Variants in CXorf38 observed in about 807,000 individuals in gnomAD.
The protein encoded by CXorf38 is chromosome X open reading frame 38.
CXorf38 carries 13 observed loss-of-function variants against 27.5 expected under a neutral mutation model. That is an observed-to-expected ratio of 0.47 (90% CI 0.31 to 0.75). CXorf38 has a LOEUF of 0.75. Among genes scored for constraint, CXorf38 ranks in the 30% least tolerant of loss-of-function variants. The probability of loss-of-function intolerance (pLI) is 0.05; values close to 1 mark genes in which losing one functional copy is unlikely to be tolerated. For missense variants in CXorf38, 240 were observed against 253.2 expected (o/e 0.95, Z 0.35); for synonymous variants, 100 against 99.8 (o/e 1.00, Z -0.01).
intron 2 of CXorf38, among the ~76,000 whole-genome samples, chrX:40,642,798 G>T (rs1928387830): frequency 9.0e-6 from 1 of 111,152 alleles, no homozygotes; most frequent in Non-Finnish European, 1.9e-5. Context: ...CTGAGACAGG[G>T]TCTTACTCTG....
At chrX:40,638,926 C>A in intron 3 of CXorf38, 83 bp downstream of exon 3, 1 of 1,089,654 alleles carries the variant, frequency 9.2e-7, no homozygotes, top group Non-Finnish European at 1.2e-6. Context: ...GTTGGCTTAG[C>A]ATCACAGGTG....
chrX:40,630,547 G>A, intron 6 of CXorf38, 67 bp downstream of exon 6: 1 of 1,036,468 alleles, frequency 9.6e-7, no homozygotes, highest in South Asian at 2.2e-5. Flanking sequence ...CCTCACATGA[G>A]AGAATAGACA....
Position 40,639,100 on chromosome X carries a change from TTGTC to T in CXorf38, c.376_379del (p.Asp126AsnfsTer13). ...TGCATCACATTCCTCAGGTCCTTGT[TTGTC>T]TGCTAGTCCTCGGGGCATGAAGGCC... On this transcript the variant is annotated frameshift_variant, in exon 3 of 7. Transcript: ENST00000327877. LOFTEE classifies it high-confidence loss of function. 8.3e-7 allele frequency: 1 copy of T among 1,211,241 alleles called. No homozygotes were observed. The highest frequency in any genetic ancestry group is 1.1e-6 in the Non-Finnish European group (1 of 894,955).
chrX:40,638,777 T>C (rs1303356933), intron 3 of CXorf38, among the ~76,000 whole-genome samples: 2 of 112,174 alleles, frequency 1.8e-5, no homozygotes, highest in African/African-American at 6.5e-5. Context: ...TTGATTGCAT[T>C]TGCACTGGGG....
intron 2 of CXorf38, among the ~76,000 whole-genome samples, chrX:40,645,803 A>G (rs953774275): frequency 1.8e-5 from 2 of 110,906 alleles, no homozygotes; most frequent in African/African-American, 6.6e-5. Flanking sequence ...TTTTTTGTAG[A>G]GACGGGGTTT....
chrX:40,630,962 C>T (rs899066592), intron 5 of CXorf38, among the ~76,000 whole-genome samples, 189 bp from the exon 6 acceptor site: 7 of 111,187 alleles, frequency 6.3e-5, no homozygotes, highest in African/African-American at 2.3e-4. Flanking sequence ...TAAAACAAAG[C>T]ATCCTCCACT....
intron 5 of CXorf38, among the ~76,000 whole-genome samples, chrX:40,631,468 C>G (rs754288261): frequency 9.1e-6 from 1 of 110,036 alleles, no homozygotes; most frequent in African/African-American, 3.3e-5. Flanking sequence ...CCACCACGCC[C>G]GGCTAATTTT....
chrX:40,639,049 G>C lies in CXorf38; in HGVS notation c.431C>G (p.Ser144Cys). Residue 144 changes from serine (S) to cysteine (C), a missense_variant, in exon 3 of 7, where the codon TCC becomes TGC. Coordinates refer to ENST00000327877, the MANE Select transcript of CXorf38 (RefSeq NM_144970.3). ...TCGATCAACCACGAAGTGATCGCAGGAGTTGATGAGACTTAAAAGAGCAAC... is the reference window on the plus strand; with the variant it reads ...TCGATCAACCACGAAGTGATCGCAGCAGTTGATGAGACTTAAAAGAGCAAC... ...DAVALLSLINSCDHFVVDRKK... is the reference protein window; with the variant it reads ...DAVALLSLINCCDHFVVDRKK... 1 of 1,210,850 alleles carries C rather than the reference G, an allele frequency of 8.3e-7. No homozygotes were observed. The highest frequency in any genetic ancestry group is 1.8e-5 in the South Asian group (1 of 56,962).
Position 40,637,102 on chromosome X carries a change from T to C in CXorf38, c.526A>G (p.Thr176Ala), listed in dbSNP as rs17145855. 3,077 of 1,201,098 alleles carry C rather than the reference T, an allele frequency of 2.6e-3. 53 individuals are homozygous for C. The African/African-American group carries it at 0.048, about 19-fold the overall frequency. ...MHSSEMKVSS[T>A]WLRDFQMKIQ... is the part of the protein sequence containing the mutation. ...TTCATCTGAAAATCTCGAAGCCACG[T>C]AGAAGATACTTTCATCTCTGAAGAG... The change falls in exon 4 of 7, where the codon ACG (threonine) becomes GCG (alanine). Residue 176 changes from threonine to alanine, a missense_variant. Thr to Ala is a moderately conservative substitution (Grantham distance 58, BLOSUM62 0). Coordinates refer to ENST00000327877, the MANE Select transcript of CXorf38 (RefSeq NM_144970.3).
At position 40,627,577 on chromosome X, in the gene CXorf38, C is replaced by T. The variant is rs751031878; in HGVS notation, c.*2587G>A. The T allele has an allele frequency of 8.9e-6, 1 of 112,265 alleles. No individual in the cohort carries two copies. The highest frequency in any genetic ancestry group is 1.9e-5 in the Non-Finnish European group (1 of 53,288). The allele number at this position is 112,265 out of a possible 1,213,427, so 9.3% of individuals were successfully genotyped here. A position where few individuals can be genotyped will look rare whatever the true frequency, so the allele number is the denominator to read the frequency against. ...ACAGTGCAGCATCGCTTCATTCTTTCCAACAGTTGCATAAGATCCTGTAGT... is the reference window on the plus strand; with the variant it reads ...ACAGTGCAGCATCGCTTCATTCTTTTCAACAGTTGCATAAGATCCTGTAGT... On this transcript the variant is annotated 3_prime_UTR_variant, in exon 7 of 7. Transcript: ENST00000327877.
rs748585170 is a variant in CXorf38 at position 40,647,482 on chromosome X, G to A, written c.39C>T (p.Ala13=). 31 of 1,189,074 alleles carry A rather than the reference G, an allele frequency of 2.6e-5. No individual in the cohort carries two copies. The highest frequency in any genetic ancestry group is 3.5e-5 in the Non-Finnish European group (31 of 887,269). Residue 13 remains alanine (A), a synonymous_variant, in exon 1 of 7, where the codon GCC becomes GCT. Transcript: ENST00000327877. ...CCGCCTTCACCCAGTTCTTGTACTCGGCGCAGTTGAGGCGCGCCGCTAGCT... is the reference window on the plus strand; with the variant it reads ...CCGCCTTCACCCAGTTCTTGTACTCAGCGCAGTTGAGGCGCGCCGCTAGCT... The part of the protein sequence containing the change: ...LSELAARLNC[A]EYKNWVKAGH...
Position 40,627,949 on chromosome X carries a change from T to C in CXorf38, c.*2215A>G, listed in dbSNP as rs774105737. On this transcript the variant is annotated 3_prime_UTR_variant, in exon 7 of 7. Transcript: ENST00000327877. ...TAGACACAGGTATAAAATGGAAGCG[T>C]TCATAACCCAAAGTTCCTAAAATTA... 3 of 112,219 alleles carry C rather than the reference T, an allele frequency of 2.7e-5. No individual in the cohort carries two copies. The highest frequency in any genetic ancestry group is 3.8e-5 in the Non-Finnish European group (2 of 53,252). The allele number at this position is 112,219 out of a possible 1,213,427, so 9.2% of individuals were successfully genotyped here. A position where few individuals can be genotyped will look rare whatever the true frequency, so the allele number is the denominator to read the frequency against.
Position 40,630,620 on chromosome X carries a change from C to T in CXorf38, c.955G>A (p.Ala319Thr). The T allele has an allele frequency of 8.3e-7, 1 of 1,208,724 alleles. No homozygotes were observed. Among genetic ancestry groups the T allele is most frequent in the East Asian group, 3.0e-5 (1 of 33,764 alleles). ...EPGRQTPDRK[A>T] is the part of the protein sequence containing the mutation. ...ATCATCTGCCTGAACTCACCTCAGG[C>T]CTTCCTGTCAGGTGTTTGTCTCCCA... Residue 319 changes from alanine to threonine, a missense_variant, in exon 6 of 7, where the codon GCC (alanine) becomes ACC (threonine). Ala to Thr is a moderately conservative substitution (Grantham distance 58). Transcript: ENST00000327877.
chrX:40,630,627 G>C lies in CXorf38; in HGVS notation c.948C>G (p.Asp316Glu), dbSNP rs954659521. ...DSQEPGRQTP[D>E]RKA ...GCCTGAACTCACCTCAGGCCTTCCT[G>C]TCAGGTGTTTGTCTCCCAGGTTCCT... Residue 316 changes from aspartate (D) to glutamate (E), a missense_variant, in exon 6 of 7, where the codon GAC becomes GAG. By Grantham distance (45) the Asp-to-Glu change is conservative (BLOSUM62 2). Coordinates refer to ENST00000327877, the MANE Select transcript of CXorf38 (RefSeq NM_144970.3). 10 of 1,209,622 alleles carry C rather than the reference G, an allele frequency of 8.3e-6. No homozygotes were observed. The highest frequency in any genetic ancestry group is 1.0e-5 in the Non-Finnish European group (9 of 894,373).
intron 2 of CXorf38, 198 bp from the exon 3 acceptor site, chrX:40,639,326 G>C (rs746534043): frequency 5.1e-6 from 2 of 394,838 alleles, no homozygotes; most frequent in Non-Finnish European, 8.7e-6. Context: ...AATAACTGAA[G>C]GGCTGTATTA....
intron 2 of CXorf38, among the ~76,000 whole-genome samples, chrX:40,641,982 A>G (rs1928343894): frequency 9.0e-6 from 1 of 111,607 alleles, no homozygotes; most frequent in Non-Finnish European, 1.9e-5. Context: ...TCAGGAAGCC[A>G]TCCAAGGGTT....
chrX:40,647,344 G>C lies in CXorf38; in HGVS notation c.177C>G (p.Val59=). 2.7e-6 allele frequency: 3 copies of C among 1,121,646 alleles called. No individual in the cohort carries two copies. Among genetic ancestry groups the C allele is most frequent in the Non-Finnish European group, 3.5e-6 (3 of 858,072 alleles). The allele number at this position is 1,121,646 out of a possible 1,213,427, so 92.4% of individuals were successfully genotyped here. A position where few individuals can be genotyped will look rare whatever the true frequency, so the allele number is the denominator to read the frequency against. ...GGCTGCACCGTGAGCCGCCGCGGCA[G>C]ACGGCGCGGGGCCCCAGGCCGGGGG... ...AAAPGLGPRA[V]CRGGSRCSPR... Residue 59 remains valine (V), a synonymous_variant, in exon 1 of 7, where the codon GTC becomes GTG. Coordinates refer to ENST00000327877, the MANE Select transcript of CXorf38 (RefSeq NM_144970.3).
At chrX:40,638,921 C>T in intron 3 of CXorf38, 88 bp downstream of exon 3, 1 of 1,062,378 alleles carries the variant, frequency 9.4e-7, no homozygotes, top group Non-Finnish European at 1.3e-6. Context: ...GCATGGTTGG[C>T]TTAGCATCAC....
At chrX:40,646,909 T>C (rs751615992) in intron 2 of CXorf38, 98 bp downstream of exon 2, 1 of 980,510 alleles carries the variant, frequency 1.0e-6, no homozygotes, top group East Asian at 3.4e-5. Context: ...TCTCTCTGCA[T>C]CTGTTTATGA....
Sources: allele counts gnomAD v4.1 joint callset (sites outside exome capture counted in the v4.1 genomes callset), GRCh38; gene constraint gnomAD v4.1.1; transcripts MANE v1.5; gene names NCBI Gene and HGNC (gene_info 2026-07-23, HGNC 2026-07-21).